Variants in MRTFA observed in about 807,000 individuals in gnomAD.
The protein encoded by MRTFA is myocardin-related transcription factor A.
A neutral mutation model predicts 83.5 loss-of-function variants in MRTFA; 20 were observed. The observed-to-expected ratio is 0.24, with a 90% CI of 0.17 to 0.35. The LOEUF is 0.35. MRTFA is among the 10% of genes least tolerant of loss of function. The pLI, the probability that MRTFA is intolerant of heterozygous loss-of-function variation, is 1.00. For missense variants in MRTFA, 1,200 were observed against 1,224.7 expected (o/e 0.98, Z 0.30); for synonymous variants, 659 against 541.2 (o/e 1.22, Z -3.02).
In MRTFA at chr22:40,418,943, T is replaced by C. The variant is rs756790659; in HGVS notation, c.1795A>G (p.Lys599Glu). The change falls in exon 12 of 15, where the codon AAG (lysine) becomes GAG (glutamate). Residue 599 changes from lysine (K) to glutamate (E), a missense_variant. By Grantham distance (56) the Lys-to-Glu change is moderately conservative. Around this residue, in one of 2 missense-constraint regions of MRTFA, gnomAD observed 1,107 missense variants for 1,041.8 expected, o/e 1.06. Coordinates refer to ENST00000355630, the MANE Select transcript of MRTFA (RefSeq NM_020831.6). ...GACCCGGCCCGGGGGCCCTCCTCCT[T>C]CACGAGGATCTGCAGTGGCGAGGCC... 6.2e-7 allele frequency: 1 copy of C among 1,612,804 alleles called. No homozygotes were observed. Among genetic ancestry groups the C allele is most frequent in the South Asian group, 1.1e-5 (1 of 91,078 alleles).
intron 3 of MRTFA, among the ~76,000 whole-genome samples, chr22:40,496,083 TTAA>T (rs3044529): frequency 9.3e-5 from 14 of 150,186 alleles, no homozygotes; most frequent in Admixed American, 3.3e-4. Flanking sequence ...AAAAAATAAA[TTAA>T]TAATAATAAT....
chr22:40,472,027 T>C (rs1007077992), intron 3 of MRTFA, among the ~76,000 whole-genome samples: 127 of 152,208 alleles, frequency 8.3e-4, no homozygotes, highest in African/African-American at 2.9e-3. Context: ...CAGGTGAATA[T>C]GCCTTATTAA....
chr22:40,482,833 CTTAAAA>C (rs2054113256), intron 3 of MRTFA, among the ~76,000 whole-genome samples: 1 of 152,024 alleles, frequency 6.6e-6, no homozygotes, highest in Non-Finnish European at 1.5e-5. Context: ...AATTGTTTTC[CTTAAAA>C]TTAAATTAGG....
chr22:40,535,454 G>A (rs2147282765), intron 3 of MRTFA, among the ~76,000 whole-genome samples: 1 of 139,652 alleles, frequency 7.2e-6, no homozygotes, highest in Non-Finnish European at 1.5e-5. Flanking sequence ...CCAAGTTCAA[G>A]CGATCCTCCT....
At chr22:40,455,842 A>C (rs1284832578) in intron 4 of MRTFA, among the ~76,000 whole-genome samples, 1 of 151,406 alleles carries the variant, frequency 6.6e-6, no homozygotes, top group African/African-American at 2.4e-5. Context: ...GTATGTATGT[A>C]TGTATTTATG....
At chr22:40,500,908 G>A (rs1177056216) in intron 3 of MRTFA, among the ~76,000 whole-genome samples, 426 of 150,062 alleles carry the variant, frequency 2.8e-3, no homozygotes, top group African/African-American at 9.9e-3. Context: ...GAGCTGTTGG[G>A]CACACCTCCC....
chr22:40,419,679 G>A (rs567385963), intron 11 of MRTFA, among the ~76,000 whole-genome samples: 4 of 152,320 alleles, frequency 2.6e-5, no homozygotes, highest in Admixed American at 2.0e-4. Flanking sequence ...ATGGTGCATG[G>A]GCTCAATAAA....
chr22:40,566,383 C>A (rs1199625566), intron 2 of MRTFA, among the ~76,000 whole-genome samples: 2 of 152,068 alleles, frequency 1.3e-5, no homozygotes, highest in Admixed American at 1.3e-4. Flanking sequence ...CCACACCTGG[C>A]TAATTTTTTT....
Position 40,431,415 on chromosome 22 carries a change from G to A in MRTFA, c.429C>T (p.His143=), listed in dbSNP as rs1403413409. ...TTCCAATCTCCACACCTTCCAAAATGTGCATCCTGACCAGCTCCGATCTCT... is the reference window on the plus strand; with the variant it reads ...TTCCAATCTCCACACCTTCCAAAATATGCATCCTGACCAGCTCCGATCTCT... Residue 143 remains histidine, a synonymous_variant, in exon 6 of 15, where the codon CAC becomes CAT. Transcript: ENST00000355630. 2 of 1,614,046 alleles carry A rather than the reference G, an allele frequency of 1.2e-6. No individual in the cohort carries two copies. The highest frequency in any genetic ancestry group is 2.2e-5 in the East Asian group (1 of 44,880).
chr22:40,422,766 C>T (rs1368449422), intron 9 of MRTFA, among the ~76,000 whole-genome samples: 3 of 152,214 alleles, frequency 2.0e-5, no homozygotes, highest in Non-Finnish European at 2.9e-5. Context: ...GGCCAGAGCA[C>T]AAGCACCAGA....
At chr22:40,533,483 T>C (rs2055117001) in intron 3 of MRTFA, 3 of 537,508 alleles carry the variant, frequency 5.6e-6, no homozygotes, top group Non-Finnish European at 8.5e-6. Context: ...CCCATTTCTG[T>C]CCACTCCTAG....
rs773029783 is a variant in MRTFA, at chr22:40,420,971, G to C, written c.1057C>G (p.Pro353Ala). ...TTGGCGTAGGATGAGTCCATGGGGGGTGCCCCCCTGTCCTGCTTCTGGTCC... is the reference window on the plus strand; with the variant it reads ...TTGGCGTAGGATGAGTCCATGGGGGCTGCCCCCCTGTCCTGCTTCTGGTCC... The change falls in exon 10 of 15, where the codon CCC (proline) becomes GCC (alanine). Residue 353 changes from proline to alanine, a missense_variant. Around this residue, in one of 2 missense-constraint regions of MRTFA, gnomAD observed 1,107 missense variants for 1,041.8 expected, o/e 1.06. Transcript: ENST00000355630. 1.4e-5 allele frequency: 22 copies of C among 1,612,676 alleles called. No individual in the cohort carries two copies. Among genetic ancestry groups the C allele is most frequent in the Middle Eastern group, 3.3e-4 (2 of 6,056 alleles).
intron 3 of MRTFA, among the ~76,000 whole-genome samples, chr22:40,510,031 C>T (rs2054642320): frequency 6.7e-6 from 1 of 148,510 alleles, no homozygotes. Flanking sequence ...GCCAAGGCCC[C>T]CAGTGGGAGT....
chr22:40,510,451 G>A (rs149216339), intron 3 of MRTFA, among the ~76,000 whole-genome samples: 8 of 152,094 alleles, frequency 5.3e-5, no homozygotes, highest in Non-Finnish European at 7.4e-5. Flanking sequence ...AATAAAACCC[G>A]AAATGTTCTC....
chr22:40,577,603 CATCTG>C (rs2055885574), intron 2 of MRTFA, among the ~76,000 whole-genome samples: 1 of 149,486 alleles, frequency 6.7e-6, no homozygotes, highest in Non-Finnish European at 1.5e-5. Context: ...ATTCAATCTA[CATCTG>C]ATTTTTTTTT....
intron 5 of MRTFA, among the ~76,000 whole-genome samples, chr22:40,435,120 C>T (rs1402289514): frequency 6.6e-6 from 1 of 152,200 alleles, no homozygotes; most frequent in African/African-American, 2.4e-5. Flanking sequence ...GAAGCTTTTC[C>T]ATTGGCTAAT....
At chr22:40,527,313 G>T (rs1469928241) in intron 3 of MRTFA, among the ~76,000 whole-genome samples, 2 of 151,552 alleles carry the variant, frequency 1.3e-5, no homozygotes, top group African/African-American at 4.9e-5. Context: ...TAATGCCCCA[G>T]ACCTCTGATA....
At chr22:40,556,233 AG>A (rs2055522040) in intron 2 of MRTFA, among the ~76,000 whole-genome samples, 2 of 152,202 alleles carry the variant, frequency 1.3e-5, no homozygotes, top group South Asian at 4.1e-4. Flanking sequence ...AACTTTTATG[AG>A]GACTTTAATC....
rs557629977 is a variant in MRTFA at position 40,434,691 on chromosome 22, C to T, written c.363+808G>A. Among the ~76,000 whole-genome samples, 8 of 152,300 alleles carry T rather than the reference C, an allele frequency of 5.3e-5. No individual in the cohort carries two copies. The East Asian group carries it at 1.5e-3, about 29-fold the overall frequency. On this transcript the variant is annotated intron_variant, in intron 5 of 14. Coordinates refer to ENST00000355630, the MANE Select transcript of MRTFA (RefSeq NM_020831.6). ...GAACTGAGATCACGCCACTGCACTC[C>T]AGCCTGGGTGACAGAGTGAGACTCC...
Sources: gnomAD v4.1 joint callset for allele counts (sites outside exome capture counted in the v4.1 genomes callset) on GRCh38, gnomAD v4.1.1 for gene constraint, gnomAD v4.1.1 regional missense constraint, MANE v1.5 for transcripts, NCBI Gene and HGNC (gene_info 2026-07-23, HGNC 2026-07-21) for gene names.